Variants in SMCHD1 observed in about 807,000 individuals in gnomAD.
The protein encoded by SMCHD1 is structural maintenance of chromosomes flexible hinge domain-containing protein 1.
A neutral mutation model predicts 254.7 loss-of-function variants in SMCHD1; 78 were observed. The observed-to-expected ratio is 0.31, with a 90% confidence interval of 0.26 to 0.37. SMCHD1 has a LOEUF of 0.37. SMCHD1 is among the 10% of genes least tolerant of loss of function. SMCHD1 has a pLI of 1.00. For synonymous variants in SMCHD1, 766 were observed against 794.9 expected (o/e 0.96, Z 0.61); for missense variants, 1,840 against 2,408.1 (o/e 0.76, Z 4.94).
intron 8 of SMCHD1, 36 bp from the exon 9 acceptor site, chr18:2,696,996 G>A: frequency 1.1e-6 from 1 of 937,644 alleles, no homozygotes. Context: ...AATTTTATGT[G>A]AATTAAAAGT....
intron 17 of SMCHD1, among the ~76,000 whole-genome samples, chr18:2,708,222 A>C (rs550712157): frequency 6.7e-6 from 1 of 148,480 alleles, no homozygotes; most frequent in South Asian, 2.2e-4. Flanking sequence ...GTATTATTAC[A>C]GTTCTAATAA....
intron 25 of SMCHD1, among the ~76,000 whole-genome samples, chr18:2,735,337 A>G (rs2075228410): frequency 6.6e-6 from 1 of 152,204 alleles, no homozygotes; most frequent in South Asian, 2.1e-4. Context: ...CATAATATTG[A>G]ACAGGCAAAA....
At chr18:2,745,990 T>C (rs1246256661) in intron 29 of SMCHD1, among the ~76,000 whole-genome samples, 1 of 151,870 alleles carries the variant, frequency 6.6e-6, no homozygotes. Flanking sequence ...AATAGAAAAA[T>C]AGATGTGTAT....
chr18:2,679,160 T>C (rs1294036144), intron 5 of SMCHD1, among the ~76,000 whole-genome samples: 1 of 149,294 alleles, frequency 6.7e-6, no homozygotes, highest in Non-Finnish European at 1.5e-5. Context: ...TCCATTATTT[T>C]TGAAGGCTAC....
intron 5 of SMCHD1, among the ~76,000 whole-genome samples, chr18:2,686,058 T>G (rs1189647631): frequency 6.6e-6 from 1 of 152,210 alleles, no homozygotes; most frequent in African/African-American, 2.4e-5. Flanking sequence ...TTCTAAACAT[T>G]CTTTTATAAC....
intron 31 of SMCHD1, 22 bp from the exon 32 acceptor site, chr18:2,750,328 C>G: frequency 1.3e-6 from 2 of 1,589,650 alleles, no homozygotes; most frequent in South Asian, 2.3e-5. Flanking sequence ...ATTTGAACCC[C>G]TCTCCTCTTT....
At chr18:2,671,887 C>T (rs645018) in intron 3 of SMCHD1, among the ~76,000 whole-genome samples, 1 of 151,976 alleles carries the variant, frequency 6.6e-6, no homozygotes, top group Non-Finnish European at 1.5e-5. Context: ...CGTGAGCCAC[C>T]GCGCCTGGCC....
At chr18:2,760,621 G>T (rs2075768271) in intron 34 of SMCHD1, 31 bp from the exon 35 acceptor site, 1 of 1,192,808 alleles carries the variant, frequency 8.4e-7, no homozygotes, top group African/African-American at 1.5e-5. Context: ...TACAAACATT[G>T]TCAGTAATCT....
At chr18:2,659,901 G>C (rs756160488) in intron 1 of SMCHD1, among the ~76,000 whole-genome samples, 1 of 152,056 alleles carries the variant, frequency 6.6e-6, no homozygotes, top group African/African-American at 2.4e-5. Flanking sequence ...TGTGCTTTCT[G>C]ACTAATCCAT....
At chr18:2,783,955 T>C (rs554366235) in intron 44 of SMCHD1, among the ~76,000 whole-genome samples, 85 of 152,344 alleles carry the variant, frequency 5.6e-4, no homozygotes, top group African/African-American at 2.0e-3. Flanking sequence ...CCCCTAACTC[T>C]CAAATTATCA....
At chr18:2,708,611 T>C (rs1470146523) in intron 17 of SMCHD1, among the ~76,000 whole-genome samples, 1 of 32,012 alleles carries the variant, frequency 3.1e-5, no homozygotes, top group Non-Finnish European at 6.5e-5. Context: ...TTTCATGACC[T>C]TCCTGCTTTT....
rs765714307 is a variant in SMCHD1, at chr18:2,729,281, G to A, written c.2920G>A (p.Gly974Ser). The change falls in exon 24 of 48, where the codon GGT becomes AGT. Residue 974 changes from glycine to serine, a missense_variant. By Grantham distance (56) the Gly-to-Ser change is moderately conservative (BLOSUM62 0). Coordinates refer to ENST00000320876, the MANE Select transcript of SMCHD1 (RefSeq NM_015295.3). The part of the protein sequence containing the change: ...PKLIVHCKFS[G>S]APNLPVYVVD... ...TTTTTCATCTTTCAAATAGTTTTCAGGTGCTCCAAACCTTCCAGTCTATGT... is the reference window on the plus strand; with the variant it reads ...TTTTTCATCTTTCAAATAGTTTTCAAGTGCTCCAAACCTTCCAGTCTATGT... 1 of 1,477,224 alleles carries A rather than the reference G, an allele frequency of 6.8e-7. No individual in the cohort carries two copies. Among genetic ancestry groups the A allele is most frequent in the East Asian group, 2.5e-5 (1 of 40,172 alleles). 91.5% of individuals were successfully genotyped at this position (1,477,224 alleles called of 1,614,324 possible).
rs1324690435 is a variant in SMCHD1, at chr18:2,718,977, C to G, written c.2458+543C>G. On this transcript the variant is annotated intron_variant, in intron 19 of 47. Coordinates refer to ENST00000320876, the MANE Select transcript of SMCHD1 (RefSeq NM_015295.3). This position sits in a 1 kb window ranked among gnomAD's most constrained non-coding sequence, Gnocchi z 4.6. ...TCTAAAGCTGTCCTGATTCCTGACC[C>G]TGGGCATATTGCCCCTCCTCCCCCA... is the stretch of plus-strand genomic sequence containing the variant. Among the ~76,000 whole-genome samples the G allele has an allele frequency of 6.6e-6, 1 of 152,010 alleles. No individual in the cohort carries two copies. Among genetic ancestry groups the G allele is most frequent in the Non-Finnish European group, 1.5e-5 (1 of 68,004 alleles).
chr18:2,783,676 G>C (rs1030993982), intron 44 of SMCHD1, among the ~76,000 whole-genome samples: 1 of 151,714 alleles, frequency 6.6e-6, no homozygotes, highest in Non-Finnish European at 1.5e-5. Context: ...GGATTCAAGC[G>C]ATTCTCCTGC....
At chr18:2,703,395 T>C (rs939436697) in intron 12 of SMCHD1, among the ~76,000 whole-genome samples, 1 of 152,006 alleles carries the variant, frequency 6.6e-6, no homozygotes, top group East Asian at 1.9e-4. Flanking sequence ...GCAGTAAGGG[T>C]TCATCAGTTT....
intron 21 of SMCHD1, among the ~76,000 whole-genome samples, chr18:2,725,371 A>G (rs185689175): frequency 1.3e-5 from 2 of 151,944 alleles, no homozygotes; most frequent in East Asian, 1.9e-4. Context: ...AAAAATGACA[A>G]TTAGAAATAT....
intron 15 of SMCHD1, among the ~76,000 whole-genome samples, chr18:2,707,261 A>G (rs2074537924): frequency 6.6e-6 from 1 of 152,062 alleles, no homozygotes; most frequent in African/African-American, 2.4e-5. Flanking sequence ...CTTAGGGGTT[A>G]TCCTGTCTTC....
chr18:2,658,425 A>G (rs1475870174), intron 1 of SMCHD1, among the ~76,000 whole-genome samples: 1 of 152,134 alleles, frequency 6.6e-6, no homozygotes, highest in Non-Finnish European at 1.5e-5. Flanking sequence ...CTGTTATACT[A>G]CTCAAATGGC....
rs758587276 is a variant in SMCHD1, at chr18:2,674,107, T to C, written c.600T>C (p.Tyr200=). 3.7e-6 allele frequency: 6 copies of C among 1,602,548 alleles called. No homozygotes were observed. The highest frequency in any genetic ancestry group is 4.3e-6 in the Non-Finnish European group (5 of 1,174,878). ...TSKQLNNWAV[Y]RLSKFTRQGD... Reference sequence around the variant, plus strand: ...AACAGCTTAACAACTGGGCCGTGTATAGGTTGTCAAAATTCACAAGGCAAG... The same window carrying C: ...AACAGCTTAACAACTGGGCCGTGTACAGGTTGTCAAAATTCACAAGGCAAG... Residue 200 remains tyrosine, a synonymous_variant, in exon 5 of 48, where the codon TAT becomes TAC. Transcript: ENST00000320876.
Sources: gnomAD v4.1 joint callset for allele counts (sites outside exome capture counted in the v4.1 genomes callset) on GRCh38, gnomAD v4.1.1 for gene constraint, Gnocchi (gnomAD v3.1) non-coding constraint, MANE v1.5 for transcripts, NCBI Gene and HGNC (gene_info 2026-07-23, HGNC 2026-07-21) for gene names.